Variants in CD48 observed in about 807,000 individuals in gnomAD.
CD48 encodes the protein CD48 molecule, also known as CD48 antigen.
CD48 carries 20 observed loss-of-function variants against 22.0 expected under a neutral mutation model. That is an observed-to-expected ratio of 0.91 (90% confidence interval 0.64 to 1.32). The LOEUF (loss-of-function observed/expected upper bound fraction) is 1.32, where lower values mean the gene tolerates loss of function less well. CD48 is among the 40% of genes most tolerant of loss of function. The pLI, the probability that CD48 is intolerant of heterozygous loss-of-function variation, is 0.00. For missense variants in CD48, 307 were observed against 286.5 expected (o/e 1.07, Z -0.52); for synonymous variants, 110 against 110.1 (o/e 1.00, Z 0.01).
intron 1 of CD48, among the ~76,000 whole-genome samples, chr1:160,702,947 C>CA (rs947379278): frequency 3.0e-4 from 46 of 152,086 alleles, no homozygotes; most frequent in African/African-American, 9.4e-4. Context: ...GTAATTTAGC[C>CA]AAAAAATCTG....
intron 1 of CD48, chr1:160,691,838 A>C (rs1662231489): frequency 2.7e-6 from 1 of 363,654 alleles, no homozygotes; most frequent in South Asian, 1.3e-4. Context: ...AGAGATCCCG[A>C]GTACATCTAC....
At chr1:160,705,233 C>A (rs945198064) in intron 1 of CD48, among the ~76,000 whole-genome samples, 3 of 152,184 alleles carry the variant, frequency 2.0e-5, no homozygotes, top group Non-Finnish European at 4.4e-5. Context: ...AAGCACTTAC[C>A]CTGTCCTGGT....
chr1:160,686,482 A>C (rs186995954), intron 1 of CD48: 2 of 152,318 alleles, frequency 1.3e-5, no homozygotes, highest in African/African-American at 4.8e-5. Flanking sequence ...GGGTGATTAA[A>C]AGCTAATATT....
rs3913658 is a variant in CD48 at position 160,708,146 on chromosome 1, C to T, written c.82+3536G>A. 5.2e-3 allele frequency among the ~76,000 whole-genome samples: 798 copies of T among 152,182 alleles called. 15 individuals carry two copies. Among genetic ancestry groups the T allele is most frequent in the East Asian group, 0.043 (223 of 5,174 alleles). ...GTGGGATGAAACCAGGGAAAGATGACGACTGGGGGTAGTGAATATTCCAAC... is the reference window on the plus strand; with the variant it reads ...GTGGGATGAAACCAGGGAAAGATGATGACTGGGGGTAGTGAATATTCCAAC... On this transcript the variant is annotated intron_variant, in intron 1 of 3. Coordinates refer to ENST00000368046, the MANE Select transcript of CD48 (RefSeq NM_001778.4).
intron 1 of CD48, among the ~76,000 whole-genome samples, chr1:160,690,151 G>A (rs950756029): frequency 1.7e-4 from 26 of 152,172 alleles, no homozygotes; most frequent in Admixed American, 3.9e-4. Context: ...ATTCCTTACT[G>A]TTGTATAAAT....
chr1:160,681,742 T>A (rs2102403065), intron 2 of CD48, among the ~76,000 whole-genome samples: 1 of 152,268 alleles, frequency 6.6e-6, no homozygotes, highest in South Asian at 2.1e-4. Flanking sequence ...AAAATGGGGT[T>A]ATGATCGTGT....
chr1:160,689,623 C>A (rs1662130008), intron 1 of CD48, among the ~76,000 whole-genome samples: 1 of 152,166 alleles, frequency 6.6e-6, no homozygotes, highest in African/African-American at 2.4e-5. Context: ...TCTCCACTGC[C>A]ATCAGGGAGG....
In CD48 at chr1:160,681,275, A is replaced by G. The variant is rs1489143399; in HGVS notation, c.579T>C (p.Cys193=). 1.9e-6 allele frequency: 3 copies of G among 1,614,094 alleles called. No individual in the cohort carries two copies. In the African/African-American group the frequency reaches 4.0e-5, roughly 22 times the overall value. The change falls in exon 3 of 4, where the codon TGT becomes TGC. Residue 193 remains cysteine (C), a synonymous_variant. Coordinates refer to ENST00000368046, the MANE Select transcript of CD48 (RefSeq NM_001778.4). ...TTLMPHNYSR[C]YTCQVSNSVS... Reference sequence around the variant, plus strand: ...CAGAATTGCTGACTTGGCAAGTATAACACCTGGAGTAATTATGTGGCATAA... The same window carrying G: ...CAGAATTGCTGACTTGGCAAGTATAGCACCTGGAGTAATTATGTGGCATAA...
intron 2 of CD48, among the ~76,000 whole-genome samples, chr1:160,681,913 T>C (rs573501628): frequency 6.6e-6 from 1 of 152,172 alleles, no homozygotes; most frequent in East Asian, 1.9e-4. Context: ...AGTCCTAAGG[T>C]AAGAGGTACC....
At chr1:160,694,801 T>C (rs1662350073) in intron 1 of CD48, among the ~76,000 whole-genome samples, 1 of 152,114 alleles carries the variant, frequency 6.6e-6, no homozygotes, top group Admixed American at 6.5e-5. Flanking sequence ...ACCGTTAACT[T>C]GGAAAACAGA....
At chr1:160,698,615 A>C (rs1220012270) in intron 1 of CD48, among the ~76,000 whole-genome samples, 1 of 152,192 alleles carries the variant, frequency 6.6e-6, no homozygotes, top group Non-Finnish European at 1.5e-5. Context: ...AGACAGGCTC[A>C]TGACCTTAGA....
chr1:160,710,021 G>A (rs1204018362), intron 1 of CD48, among the ~76,000 whole-genome samples: 1 of 152,196 alleles, frequency 6.6e-6, no homozygotes, highest in Non-Finnish European at 1.5e-5. Flanking sequence ...AGAGAGGCAG[G>A]GAGAGGGCAG....
At chr1:160,687,566 C>G (rs145169682) in intron 1 of CD48, among the ~76,000 whole-genome samples, 6 of 152,206 alleles carry the variant, frequency 3.9e-5, no homozygotes, top group Non-Finnish European at 8.8e-5. Context: ...TCACAATCCA[C>G]GTTCTTCTGC....
intron 1 of CD48, among the ~76,000 whole-genome samples, chr1:160,687,567 G>A (rs754688590): frequency 3.4e-4 from 51 of 152,124 alleles, no homozygotes; most frequent in African/African-American, 1.1e-3. Flanking sequence ...CACAATCCAC[G>A]TTCTTCTGCC....
At position 160,681,211 on chromosome 1, in the gene CD48, A is replaced by T. The variant is rs1661788539; in HGVS notation, c.643T>A (p.Cys215Ser). Residue 215 changes from cysteine to serine, a missense_variant, in exon 3 of 4, where the codon TGT (cysteine) becomes AGT (serine). Transcript: ENST00000368046. ...KNGTVCLSPP[C>S]TLARSFGVEW... is the part of the protein sequence containing the mutation. ...CAGGGATCCTTCTTACCCAGGGTAC[A>T]GGGTGGACTGAGGCAGACCGTGCCA... 6.2e-7 allele frequency: 1 copy of T among 1,614,128 alleles called. No individual in the cohort carries two copies. Among genetic ancestry groups the T allele is most frequent in the Non-Finnish European group, 8.5e-7 (1 of 1,179,984 alleles).
At chr1:160,682,054 G>C (rs1661826316) in intron 2 of CD48, among the ~76,000 whole-genome samples, 1 of 152,182 alleles carries the variant, frequency 6.6e-6, no homozygotes, top group Non-Finnish European at 1.5e-5. Context: ...AGATTGGTCT[G>C]CTAACTTTGG....
rs199768803 is a variant in CD48, at chr1:160,681,270, G to A, written c.584C>T (p.Thr195Ile). Residue 195 changes from threonine (T) to isoleucine (I), a missense_variant, in exon 3 of 4, where the codon ACT becomes ATT. Coordinates refer to ENST00000368046, the MANE Select transcript of CD48 (RefSeq NM_001778.4). Reference protein sequence around the residue: ...LMPHNYSRCYTCQVSNSVSSK... With the variant: ...LMPHNYSRCYICQVSNSVSSK... ...GCTCACAGAATTGCTGACTTGGCAA[G>A]TATAACACCTGGAGTAATTATGTGG... is the stretch of plus-strand genomic sequence containing the variant. The A allele has an allele frequency of 1.2e-6, 2 of 1,614,212 alleles. No individual in the cohort carries two copies. The highest frequency in any genetic ancestry group is 2.2e-5 in the East Asian group (1 of 44,894).
intron 1 of CD48, among the ~76,000 whole-genome samples, chr1:160,687,463 C>T (rs1156593231): frequency 1.3e-5 from 2 of 152,140 alleles, no homozygotes; most frequent in Non-Finnish European, 2.9e-5. Flanking sequence ...TCCATGAAAT[C>T]TTTACAATTT....
At chr1:160,695,249 G>A (rs1409683162) in intron 1 of CD48, among the ~76,000 whole-genome samples, 1 of 152,302 alleles carries the variant, frequency 6.6e-6, no homozygotes, top group Non-Finnish European at 1.5e-5. Flanking sequence ...ACTTTTGTAG[G>A]TCGAGCTCTT....
Sources: gnomAD v4.1 joint callset for allele counts (sites outside exome capture counted in the v4.1 genomes callset) on GRCh38, gnomAD v4.1.1 for gene constraint, MANE v1.5 for transcripts, NCBI Gene and HGNC (gene_info 2026-07-23, HGNC 2026-07-21) for gene names.